Variants in ZDHHC17 observed in about 807,000 individuals in gnomAD.
The protein encoded by ZDHHC17 is zDHHC palmitoyltransferase 17, also known as palmitoyltransferase ZDHHC17.
A neutral mutation model predicts 90.3 loss-of-function variants in ZDHHC17; 40 were observed. That is an observed-to-expected ratio of 0.44 (90% CI 0.34 to 0.58). The LOEUF is 0.58. ZDHHC17 is among the 20% of genes least tolerant of loss of function. ZDHHC17 has a pLI of 0.01. For synonymous variants in ZDHHC17, 235 were observed against 252.4 expected, an observed-to-expected ratio of 0.93 and a Z score of 0.65; for missense variants, 614 against 780.8, an observed-to-expected ratio of 0.79 and a Z score of 2.55.
intron 1 of ZDHHC17, among the ~76,000 whole-genome samples, chr12:76,775,461 A>G (rs1952548465): frequency 6.6e-6 from 1 of 152,196 alleles, no homozygotes; most frequent in African/African-American, 2.4e-5. Context: ...TTTTAGCAAT[A>G]CAGTAACTGA....
intron 7 of ZDHHC17, among the ~76,000 whole-genome samples, chr12:76,817,021 A>G (rs186061714): frequency 2.0e-5 from 3 of 152,204 alleles, no homozygotes; most frequent in Admixed American, 1.3e-4. Context: ...AGCATATCAT[A>G]GTGCCTGATA....
chr12:76,765,581 C>G (rs560491222), intron 1 of ZDHHC17, among the ~76,000 whole-genome samples: 1 of 152,360 alleles, frequency 6.6e-6, no homozygotes, highest in African/African-American at 2.4e-5. Flanking sequence ...TAGGCCCTAA[C>G]ATACGTCAGG....
chr12:76,802,364 C>G (rs745780134), intron 2 of ZDHHC17, among the ~76,000 whole-genome samples: 1 of 152,176 alleles, frequency 6.6e-6, no homozygotes, highest in Non-Finnish European at 1.5e-5. Context: ...TCTCTCGTTC[C>G]TTTCAAGGTT....
At chr12:76,767,177 G>A (rs1952441031) in intron 1 of ZDHHC17, among the ~76,000 whole-genome samples, 1 of 152,194 alleles carries the variant, frequency 6.6e-6, no homozygotes, top group South Asian at 2.1e-4. Flanking sequence ...AGAAAGGGAA[G>A]TGTTACACAT....
rs567687778 is a variant in ZDHHC17 at position 76,764,376 on chromosome 12, C to G, written c.93+47C>G. 44 of 1,518,696 alleles carry G rather than the reference C, an allele frequency of 2.9e-5. No homozygotes were observed. The South Asian group carries it at 4.8e-4, about 17-fold the overall frequency. 94.1% of individuals were successfully genotyped at this position (1,518,696 alleles called of 1,614,324 possible). A position where few individuals can be genotyped will look rare whatever the true frequency, so the allele number is the denominator to read the frequency against. On this transcript the variant is annotated intron_variant, in intron 1 of 16. Transcript: ENST00000426126. The stretch of plus-strand genomic sequence containing the variant: ...ATTCCTTGCCCTGCGGCCCTCCAGC[C>G]TTTCTTCCCCGGACTCGCCGAGGGC...
At chr12:76,811,586 T>C (rs907396291) in intron 5 of ZDHHC17, among the ~76,000 whole-genome samples, 1 of 152,110 alleles carries the variant, frequency 6.6e-6, no homozygotes, top group Non-Finnish European at 1.5e-5. Flanking sequence ...ATGATGATAA[T>C]GATGATGATA....
chr12:76,837,296 T>C (rs1953377984), intron 10 of ZDHHC17, among the ~76,000 whole-genome samples: 2 of 152,136 alleles, frequency 1.3e-5, no homozygotes, highest in South Asian at 4.1e-4. Context: ...CCACCACACC[T>C]GGCTATTTTC....
intron 7 of ZDHHC17, 66 bp downstream of exon 7, chr12:76,816,085 C>T (rs1953084208): frequency 7.8e-7 from 1 of 1,278,166 alleles, no homozygotes; most frequent in Admixed American, 3.9e-5. Flanking sequence ...TGTAATAAAA[C>T]AAGTTTTTCA....
At chr12:76,776,595 C>A (rs1952563837) in intron 1 of ZDHHC17, among the ~76,000 whole-genome samples, 1 of 152,164 alleles carries the variant, frequency 6.6e-6, no homozygotes, top group South Asian at 2.1e-4. Flanking sequence ...CTTCCCTATT[C>A]TTTGTAGTGT....
At chr12:76,824,399 A>G (rs1389084696) in intron 8 of ZDHHC17, among the ~76,000 whole-genome samples, 2 of 152,204 alleles carry the variant, frequency 1.3e-5, no homozygotes, top group East Asian at 3.9e-4. Flanking sequence ...GAAAGTAACC[A>G]TCATATATTT....
chr12:76,828,963 C>T (rs1055894500), intron 10 of ZDHHC17, among the ~76,000 whole-genome samples: 16 of 152,090 alleles, frequency 1.1e-4, no homozygotes, highest in African/African-American at 3.6e-4. Context: ...AGTGGCCAAA[C>T]GTGAAAAAAT....
Position 76,764,873 on chromosome 12 carries a change from C to T in ZDHHC17, c.93+544C>T, listed in dbSNP as rs1267821444. ...CGGGCGTCCTTTTTTGAGCATTTGT[C>T]CTTAAGCGATTAAGAAGAGAGGTAA... On this transcript the variant is annotated intron_variant, in intron 1 of 16. Coordinates refer to ENST00000426126, the MANE Select transcript of ZDHHC17 (RefSeq NM_015336.4). 1.5e-5 allele frequency: 7 copies of T among 455,858 alleles called. 1 individual carries two copies. In the Admixed American group the frequency reaches 1.6e-4, roughly 11 times the overall value. 28.2% of individuals were successfully genotyped at this position (455,858 alleles called of 1,614,324 possible).
chr12:76,800,466 T>G (rs879504274), intron 2 of ZDHHC17, among the ~76,000 whole-genome samples: 1 of 152,194 alleles, frequency 6.6e-6, no homozygotes, highest in Non-Finnish European at 1.5e-5. Context: ...ACTGTAGAAC[T>G]ATCTGTTTCT....
intron 5 of ZDHHC17, among the ~76,000 whole-genome samples, chr12:76,814,073 T>G (rs1045779520): frequency 6.6e-6 from 1 of 151,958 alleles, no homozygotes; most frequent in Non-Finnish European, 1.5e-5. Context: ...TTCAAAGTAC[T>G]CCAGGTTAAT....
intron 14 of ZDHHC17, among the ~76,000 whole-genome samples, chr12:76,846,894 T>TA (rs1953501926): frequency 6.6e-6 from 1 of 152,220 alleles, no homozygotes. Context: ...CACCTTTTAA[T>TA]ACTTGTGTCC....
At chr12:76,764,648 A>C in intron 1 of ZDHHC17, 2 of 498,090 alleles carry the variant, frequency 4.0e-6, no homozygotes, top group Non-Finnish European at 3.8e-6. Context: ...GTGGTTTTTG[A>C]ACCGCAGCTT....
At position 76,828,348 on chromosome 12, in the gene ZDHHC17, T is replaced by A; in HGVS notation, c.1041-42T>A. 2.1e-6 allele frequency: 3 copies of A among 1,455,224 alleles called. No individual in the cohort carries two copies. The South Asian group carries it at 4.0e-5, about 19-fold the overall frequency. 90.1% of individuals were successfully genotyped at this position (1,455,224 alleles called of 1,614,324 possible). On this transcript the variant is annotated intron_variant, in intron 9 of 16. Transcript: ENST00000426126. ...TTTAAATAAATACTCATTTTTACAA[T>A]GAAATATAGAGCTCATATTTTATAA...
intron 7 of ZDHHC17, among the ~76,000 whole-genome samples, chr12:76,818,088 A>C (rs187692679): frequency 1.6e-3 from 243 of 152,208 alleles, no homozygotes; most frequent in African/African-American, 5.7e-3. Context: ...AATTTTTCTC[A>C]TGTAATTCCC....
At chr12:76,822,327 T>C (rs539472038) in intron 7 of ZDHHC17, 79 bp from the exon 8 acceptor site, 6 of 1,541,260 alleles carry the variant, frequency 3.9e-6, no homozygotes, top group Non-Finnish European at 4.4e-6. Flanking sequence ...AAATTAATTT[T>C]TATAGAAGTT....
Sources: gnomAD v4.1 joint callset for allele counts (sites outside exome capture counted in the v4.1 genomes callset) on GRCh38, gnomAD v4.1.1 for gene constraint, MANE v1.5 for transcripts, NCBI Gene and HGNC (gene_info 2026-07-23, HGNC 2026-07-21) for gene names.